Variants in DCTN6 observed in about 807,000 individuals in gnomAD.
The protein encoded by DCTN6 is dynactin 6.
DCTN6 carries 15 observed loss-of-function variants against 25.8 expected under a neutral mutation model. That is an observed-to-expected ratio of 0.58 (90% CI 0.39 to 0.89). The LOEUF (loss-of-function observed/expected upper bound fraction) is 0.89. DCTN6 is among the 40% of genes least tolerant of loss of function. DCTN6 has a pLI of 0.00. For synonymous variants in DCTN6, 64 were observed against 78.3 expected (o/e 0.82, Z 0.96); for missense variants, 198 against 237.6 (o/e 0.83, Z 1.09).
chr8:30,180,378 C>CT lies in DCTN6; in HGVS notation c.332-104dup, dbSNP rs992718243. 40 of 1,409,108 alleles carry CT rather than the reference C, an allele frequency of 2.8e-5. No homozygotes were observed. The African/African-American group carries it at 4.9e-4, about 17-fold the overall frequency. The allele number at this position is 1,409,108 out of a possible 1,614,324, so 87.3% of individuals were successfully genotyped here. On this transcript the variant is annotated intron_variant, in intron 5 of 6. Transcript: ENST00000221114. ...CTCCAAACTGATGTATTTTCTTTAA[C>CT]TTTTTTCTTGAGGCCAGTTTACATT...
chr8:30,176,393 G>T (rs1023688310), intron 3 of DCTN6, among the ~76,000 whole-genome samples: 15 of 152,052 alleles, frequency 9.9e-5, no homozygotes, highest in African/African-American at 3.1e-4. Context: ...TTAGCCGGGC[G>T]TGGTGGCACC....
rs755144214 is a variant in DCTN6, at chr8:30,160,048, TC to T, written c.23+3645del. On this transcript the variant is annotated intron_variant, in intron 1 of 6. Transcript: ENST00000221114. ...GATTTTGAGCCCTGGAATTTGAGCTTCCCTCTCCATCAGGAATCATCCCTTC... is the reference window on the plus strand; with the variant it reads ...GATTTTGAGCCCTGGAATTTGAGCTTCCTCTCCATCAGGAATCATCCCTTC... Among the ~76,000 whole-genome samples the T allele has an allele frequency of 7.9e-5, 12 of 152,212 alleles. 1 individual carries two copies. The South Asian group carries it at 2.1e-3, about 26-fold the overall frequency.
chr8:30,181,461 T>C (rs1449358663), intron 6 of DCTN6, among the ~76,000 whole-genome samples: 2 of 152,092 alleles, frequency 1.3e-5, no homozygotes, highest in Non-Finnish European at 1.5e-5. Flanking sequence ...TAATGTAGAG[T>C]ACATATTTGG....
At chr8:30,172,617 A>G (rs2117590017) in intron 2 of DCTN6, among the ~76,000 whole-genome samples, 1 of 151,798 alleles carries the variant, frequency 6.6e-6, no homozygotes, top group Middle Eastern at 3.4e-3. Flanking sequence ...TGCCTGGCTA[A>G]TTTTTTTGTA....
chr8:30,167,066 A>G (rs1803687429), intron 2 of DCTN6, among the ~76,000 whole-genome samples: 1 of 150,932 alleles, frequency 6.6e-6, no homozygotes, highest in Non-Finnish European at 1.5e-5. Flanking sequence ...GAAGGGAGAG[A>G]GACGGAAAGA....
Position 30,177,223 on chromosome 8 carries a change from T to C in DCTN6, c.283+9T>C. 2 of 1,601,144 alleles carry C rather than the reference T, an allele frequency of 1.2e-6. No homozygotes were observed. The highest frequency in any genetic ancestry group is 2.2e-5 in the South Asian group (2 of 90,254). On this transcript the variant is annotated intron_variant, in intron 4 of 6. Transcript: ENST00000221114. ...GTTTGAAGTTGGCTGTTGTATCCTTTACAATAATCTACCATAAATAATTCC... is the reference window on the plus strand; with the variant it reads ...GTTTGAAGTTGGCTGTTGTATCCTTCACAATAATCTACCATAAATAATTCC...
At chr8:30,159,591 C>A (rs1803572415) in intron 1 of DCTN6, among the ~76,000 whole-genome samples, 1 of 152,170 alleles carries the variant, frequency 6.6e-6, no homozygotes, top group South Asian at 2.1e-4. Flanking sequence ...ATCTGGTGAC[C>A]ATTCCATAGA....
chr8:30,162,423 T>C (rs1249730301), intron 1 of DCTN6, among the ~76,000 whole-genome samples: 1 of 152,212 alleles, frequency 6.6e-6, no homozygotes, highest in Non-Finnish European at 1.5e-5. Flanking sequence ...ACTGTGACAA[T>C]TGGAAATCAA....
At chr8:30,164,820 A>G (rs1803644128) in intron 2 of DCTN6, among the ~76,000 whole-genome samples, 1 of 152,194 alleles carries the variant, frequency 6.6e-6, no homozygotes, top group African/African-American at 2.4e-5. Flanking sequence ...ATCATCTTGG[A>G]TGAGAAAGGG....
chr8:30,167,225 G>A (rs1803690377), intron 2 of DCTN6, among the ~76,000 whole-genome samples: 1 of 152,104 alleles, frequency 6.6e-6, no homozygotes, highest in South Asian at 2.1e-4. Flanking sequence ...CCAGCTACTT[G>A]AGAGGGCTCA....
chr8:30,176,859 C>T (rs1803842771), intron 3 of DCTN6: 1 of 311,696 alleles, frequency 3.2e-6, no homozygotes, highest in East Asian at 7.8e-5. Context: ...CCTGTAGTCC[C>T]AGCTACTCGG....
intron 1 of DCTN6, among the ~76,000 whole-genome samples, chr8:30,163,190 G>T (rs1017992364): frequency 1.3e-5 from 2 of 152,114 alleles, no homozygotes; most frequent in African/African-American, 4.8e-5. Context: ...CCAGCTACTA[G>T]GGAGGCTGAG....
At chr8:30,182,710 T>G (rs1418554933) in intron 6 of DCTN6, among the ~76,000 whole-genome samples, 1 of 151,564 alleles carries the variant, frequency 6.6e-6, no homozygotes, top group African/African-American at 2.4e-5. Flanking sequence ...TTTTTTTCTT[T>G]GAGACAGGGT....
At chr8:30,158,163 G>A (rs546946155) in intron 1 of DCTN6, among the ~76,000 whole-genome samples, 70 of 152,282 alleles carry the variant, frequency 4.6e-4, no homozygotes, top group African/African-American at 9.1e-4. Context: ...TCCCTTGGGC[G>A]TAAAACTGAA....
intron 1 of DCTN6, among the ~76,000 whole-genome samples, chr8:30,156,689 G>A (rs896044030): frequency 6.2e-5 from 8 of 129,334 alleles, no homozygotes; most frequent in South Asian, 2.2e-4. Context: ...CGGGAGGGCG[G>A]GGGGGGCTGT....
In DCTN6 at chr8:30,181,596, C is replaced by T. The variant is rs544198139; in HGVS notation, c.474+966C>T. Among the ~76,000 whole-genome samples, 35 of 152,226 alleles carry T rather than the reference C, an allele frequency of 2.3e-4. No homozygotes were observed. In the South Asian group the frequency reaches 7.3e-3, roughly 32 times the overall value. On this transcript the variant is annotated intron_variant, in intron 6 of 6. Coordinates refer to ENST00000221114, the MANE Select transcript of DCTN6 (RefSeq NM_006571.4). ...ATTCAATATATATTTCTTTAGTTAC[C>T]TAGCCTCCTTTTCCTCCCACTAAAG...
At position 30,176,075 on chromosome 8, in the gene DCTN6, A is replaced by G. The variant is rs533559094; in HGVS notation, c.194+885A>G. ...AACTAGCTAACTAATAGCAATAATT[A>G]TTTTATGTGAATATCTGTTTATGTT... On this transcript the variant is annotated intron_variant, in intron 3 of 6. Coordinates refer to ENST00000221114, the MANE Select transcript of DCTN6 (RefSeq NM_006571.4). 6.5e-4 allele frequency among the ~76,000 whole-genome samples: 99 copies of G among 152,320 alleles called. 1 individual carries two copies. The South Asian group carries it at 0.02, about 31-fold the overall frequency.
chr8:30,175,832 A>G (rs1013275342), intron 3 of DCTN6, among the ~76,000 whole-genome samples: 1 of 152,216 alleles, frequency 6.6e-6, no homozygotes, highest in African/African-American at 2.4e-5. Flanking sequence ...TATAGCAACC[A>G]TGTATGGAAT....
At chr8:30,180,975 A>G (rs1803904082) in intron 6 of DCTN6, 1 of 321,528 alleles carries the variant, frequency 3.1e-6, no homozygotes, top group Admixed American at 4.7e-5. Flanking sequence ...ACCATGAGCC[A>G]TGATCATGCC....
Sources: gnomAD v4.1 joint callset for allele counts (sites outside exome capture counted in the v4.1 genomes callset) on GRCh38, gnomAD v4.1.1 for gene constraint, MANE v1.5 for transcripts, NCBI Gene and HGNC (gene_info 2026-07-23, HGNC 2026-07-21) for gene names.